ATP9A: variants seen among roughly 807,000 people sequenced by gnomAD.
ATP9A encodes ATPase phospholipid transporting 9A.
Under a neutral mutation model 144.1 loss-of-function variants are expected in ATP9A, and 52 were observed. The ratio of observed to expected loss-of-function variants is 0.36; its 90% CI spans 0.29 to 0.45. ATP9A has a LOEUF of 0.45. Among genes scored for constraint, ATP9A ranks in the 20% least tolerant of loss-of-function variants. The pLI, the probability that ATP9A is intolerant of heterozygous loss-of-function variation, is 1.00. For synonymous variants in ATP9A, 582 were observed against 557.4 expected (o/e 1.04, Z -0.62); for missense variants, 947 against 1,392.7 (o/e 0.68, Z 5.09).
chr20:51,602,645 T>A (rs2077147665), intron 27 of ATP9A, among the ~76,000 whole-genome samples: 2 of 152,224 alleles, frequency 1.3e-5, no homozygotes, highest in African/African-American at 4.8e-5. Context: ...CTGTGAAACC[T>A]TTACTTTTCA....
At chr20:51,756,554 G>C (rs901263203) in intron 1 of ATP9A, among the ~76,000 whole-genome samples, 1 of 152,018 alleles carries the variant, frequency 6.6e-6, no homozygotes, top group Non-Finnish European at 1.5e-5. Flanking sequence ...GCCTCCTAAA[G>C]TTCTGGGATT....
intron 13 of ATP9A, among the ~76,000 whole-genome samples, chr20:51,658,894 G>GGGGT (rs2077399497): frequency 8.9e-6 from 1 of 112,400 alleles, no homozygotes; most frequent in Non-Finnish European, 1.9e-5. Flanking sequence ...CTGGCGGGGG[G>GGGGT]GGGGGGGGGA....
At position 51,659,582 on chromosome 20, in the gene ATP9A, T is replaced by C. The variant is rs1228508476; in HGVS notation, c.1294-2432A>G. On this transcript the variant is annotated intron_variant, in intron 13 of 27. Coordinates refer to ENST00000338821, the MANE Select transcript of ATP9A (RefSeq NM_006045.3). ...CTTACTGAATCCACAGCCAACTGAATTGTGGAGGCTAGAAATGTGTATGGA... is the reference window on the plus strand; with the variant it reads ...CTTACTGAATCCACAGCCAACTGAACTGTGGAGGCTAGAAATGTGTATGGA... Among the ~76,000 whole-genome samples, 3 of 152,150 alleles carry C rather than the reference T, an allele frequency of 2.0e-5. 1 individual carries two copies. The highest frequency in any genetic ancestry group is 2.0e-4 in the Admixed American group (3 of 15,264).
At chr20:51,641,156 C>T (rs976261280) in intron 14 of ATP9A, among the ~76,000 whole-genome samples, 3 of 151,784 alleles carry the variant, frequency 2.0e-5, no homozygotes, top group Non-Finnish European at 2.9e-5. Context: ...GTCAGGAGTT[C>T]GAGACTAGCC....
chr20:51,731,923 C>T (rs986433994), intron 1 of ATP9A, among the ~76,000 whole-genome samples: 7 of 152,062 alleles, frequency 4.6e-5, no homozygotes, highest in South Asian at 2.1e-4. Flanking sequence ...TCTCCACCCC[C>T]AGCTTTCCTT....
At chr20:51,737,601 TG>T (rs1284317535) in intron 1 of ATP9A, among the ~76,000 whole-genome samples, 1 of 152,220 alleles carries the variant, frequency 6.6e-6, no homozygotes, top group Non-Finnish European at 1.5e-5. Flanking sequence ...GTATTATTGC[TG>T]GGGAGTGAAA....
intron 9 of ATP9A, among the ~76,000 whole-genome samples, chr20:51,684,366 T>C (rs1397270127): frequency 1.3e-5 from 2 of 152,188 alleles, no homozygotes; most frequent in Non-Finnish European, 2.9e-5. Flanking sequence ...GCAGAAATAA[T>C]GGGCACAGGA....
In ATP9A at chr20:51,702,291, CAA is replaced by C. The variant is rs568902724; in HGVS notation, c.437-4811_437-4810del. ...CGGGTGACAGTGCAAGACTCTGTCT[CAA>C]AAAAAAAAAAAAAAAAATTAAATAT... is the stretch of plus-strand genomic sequence containing the variant. On this transcript the variant is annotated intron_variant, in intron 4 of 27. Coordinates refer to ENST00000338821, the MANE Select transcript of ATP9A (RefSeq NM_006045.3). 5.8e-4 allele frequency among the ~76,000 whole-genome samples: 59 copies of C among 101,286 alleles called. 4 individuals carry two copies. Among genetic ancestry groups the C allele is most frequent in the South Asian group, 1.1e-3 (3 of 2,830 alleles). The allele number at this position is 101,286 out of a possible 152,430, so 66.4% of individuals were successfully genotyped here.
Position 51,613,713 on chromosome 20 carries a change from G to A in ATP9A, c.2535C>T (p.Phe845=), listed in dbSNP as rs373299131. ...SYKRSAALSQ[F]VIHRSLCIST... is the part of the protein sequence containing the mutation. ...TGATACAGAGGCTCCTGTGAATCAC[G>A]AACTGGCTGAGGGCGGCTGACCGCT... is the stretch of plus-strand genomic sequence containing the variant. The change falls in exon 23 of 28, where the codon TTC becomes TTT. Residue 845 remains phenylalanine, a synonymous_variant. Transcript: ENST00000338821. 69 of 1,613,984 alleles carry A rather than the reference G, an allele frequency of 4.3e-5. No homozygotes were observed. Among genetic ancestry groups the A allele is most frequent in the Middle Eastern group, 1.6e-4 (1 of 6,084 alleles).
At chr20:51,751,257 TTTTG>T (rs1403039508) in intron 1 of ATP9A, among the ~76,000 whole-genome samples, 3 of 142,484 alleles carry the variant, frequency 2.1e-5, no homozygotes, top group East Asian at 2.2e-4. Flanking sequence ...TCTGGGTTTT[TTTTG>T]TTTTTTTTTT....
intron 15 of ATP9A, among the ~76,000 whole-genome samples, chr20:51,629,427 T>C (rs1042609728): frequency 3.9e-5 from 6 of 152,312 alleles, no homozygotes; most frequent in East Asian, 1.9e-4. Flanking sequence ...ACTGAAAGAA[T>C]AGGGAAGATA....
chr20:51,749,182 C>A (rs1490602496), intron 1 of ATP9A, among the ~76,000 whole-genome samples: 2 of 152,068 alleles, frequency 1.3e-5, no homozygotes, highest in Admixed American at 6.6e-5. Context: ...CAACACAGCC[C>A]CCACATCTCA....
intron 19 of ATP9A, among the ~76,000 whole-genome samples, chr20:51,620,361 G>A (rs1209552897): frequency 1.3e-5 from 2 of 152,202 alleles, no homozygotes; most frequent in Non-Finnish European, 2.9e-5. Context: ...TAGTAGCTAT[G>A]TTTTCTAAAG....
At chr20:51,733,615 C>T (rs539520734) in intron 1 of ATP9A, among the ~76,000 whole-genome samples, 3 of 152,162 alleles carry the variant, frequency 2.0e-5, no homozygotes, top group African/African-American at 4.8e-5. Flanking sequence ...CCTCGTGATC[C>T]GCCTGCCTTG....
intron 1 of ATP9A, among the ~76,000 whole-genome samples, chr20:51,758,274 T>C (rs1373752687): frequency 1.3e-5 from 2 of 152,310 alleles, no homozygotes; most frequent in Middle Eastern, 3.4e-3. Flanking sequence ...TCATTCTAAA[T>C]GTCATCAATA....
intron 1 of ATP9A, among the ~76,000 whole-genome samples, chr20:51,736,645 G>A (rs1047015293): frequency 3.3e-5 from 5 of 151,936 alleles, no homozygotes; most frequent in South Asian, 2.1e-4. Context: ...GGGAGCCACC[G>A]CGCCTGGCCC....
chr20:51,753,993 A>G (rs1430279393), intron 1 of ATP9A, among the ~76,000 whole-genome samples: 1 of 151,532 alleles, frequency 6.6e-6, no homozygotes, highest in African/African-American at 2.4e-5. Context: ...TTTTTTTTAC[A>G]TAGATATGTA....
intron 1 of ATP9A, among the ~76,000 whole-genome samples, chr20:51,763,233 T>C (rs2077888992): frequency 6.6e-6 from 1 of 150,478 alleles, no homozygotes; most frequent in African/African-American, 2.4e-5. Flanking sequence ...TCGGAGGTGA[T>C]GGAAACATTC....
chr20:51,648,985 C>T (rs1412076382), intron 14 of ATP9A, among the ~76,000 whole-genome samples: 1 of 152,026 alleles, frequency 6.6e-6, no homozygotes, highest in Non-Finnish European at 1.5e-5. Flanking sequence ...GCAAGATACT[C>T]AGAAGGTAGG....
Sources: gnomAD v4.1 joint callset for allele counts (sites outside exome capture counted in the v4.1 genomes callset) on GRCh38, gnomAD v4.1.1 for gene constraint, MANE v1.5 for transcripts, NCBI Gene and HGNC (gene_info 2026-07-23, HGNC 2026-07-21) for gene names.